Variants in SYNE1 observed in about 807,000 individuals in gnomAD.
SYNE1 encodes nesprin-1.
Under a neutral mutation model 1,111.0 loss-of-function variants are expected in SYNE1, and 616 were observed. That is an observed-to-expected ratio of 0.55 (90% CI 0.52 to 0.59). SYNE1 has a LOEUF of 0.59. SYNE1 is among the 20% of genes least tolerant of loss of function. The probability of loss-of-function intolerance (pLI) is 0.00; values close to 1 mark genes in which losing one functional copy is unlikely to be tolerated. For missense variants in SYNE1, 10,006 were observed against 10,417.0 expected (o/e 0.96, Z 1.72); for synonymous variants, 3,855 against 3,825.8 (o/e 1.01, Z -0.28).
intron 59 of SYNE1, among the ~76,000 whole-genome samples, chr6:152,370,008 A>AT (rs34750225): frequency 1.0e-4 from 15 of 147,832 alleles, no homozygotes; most frequent in African/African-American, 2.8e-4. Flanking sequence ...AAAAAAAAAA[A>AT]TTCCACAAAA....
chr6:152,337,495 G>C (rs1055804992), intron 75 of SYNE1, among the ~76,000 whole-genome samples: 4 of 152,128 alleles, frequency 2.6e-5, no homozygotes, highest in East Asian at 3.9e-4. Context: ...CTCTACGTTG[G>C]TCAGGCTGGT....
intron 126 of SYNE1, among the ~76,000 whole-genome samples, chr6:152,202,363 A>AC: frequency 8.2e-6 from 1 of 121,652 alleles, no homozygotes; most frequent in East Asian, 2.2e-4. Context: ...AAAAAAAAAA[A>AC]AAAAAAGCAA....
intron 11 of SYNE1, among the ~76,000 whole-genome samples, chr6:152,490,075 A>C (rs1240495820): frequency 6.6e-6 from 1 of 152,250 alleles, no homozygotes; most frequent in Non-Finnish European, 1.5e-5. Flanking sequence ...AAATATTCAG[A>C]AAATAAACAA....
chr6:152,482,008 C>T (rs892611438), intron 14 of SYNE1, among the ~76,000 whole-genome samples: 1 of 151,944 alleles, frequency 6.6e-6, no homozygotes, highest in African/African-American at 2.4e-5. Context: ...AAGAGATCAT[C>T]AGCAACTTTA....
chr6:152,497,885 C>G (rs192947701), intron 11 of SYNE1, among the ~76,000 whole-genome samples: 135 of 152,298 alleles, frequency 8.9e-4, no homozygotes, highest in Admixed American at 3.7e-3. Flanking sequence ...TTCCAAGCAG[C>G]TATACTGCCA....
chr6:152,407,693 A>T (rs188000863), intron 44 of SYNE1, among the ~76,000 whole-genome samples: 3 of 152,208 alleles, frequency 2.0e-5, no homozygotes, highest in East Asian at 3.9e-4. Flanking sequence ...TCCTATAATG[A>T]TATGCACTAA....
rs756716228 is a variant in SYNE1, at chr6:152,352,098, C to G, written c.11509G>C (p.Glu3837Gln). ...ALTQWIAEYQ[E>Q]ILHVPEEPKM... ...GGTTCTTCAGGAACATGTAGAATTT[C>G]CTGGTATTCTGCTATCCACTGTGTC... is the stretch of plus-strand genomic sequence containing the variant. The change falls in exon 70 of 146, where the codon GAA becomes CAA. Residue 3837 changes from glutamate (E) to glutamine (Q), a missense_variant. By Grantham distance (29) the Glu-to-Gln change is conservative. Around this residue, in one of 7 missense-constraint regions of SYNE1, gnomAD observed 4,955 missense variants for 5,017.2 expected, o/e 0.99. Coordinates refer to ENST00000367255, the MANE Select transcript of SYNE1 (RefSeq NM_182961.4). 2 of 1,614,186 alleles carry G rather than the reference C, an allele frequency of 1.2e-6. No individual in the cohort carries two copies. The highest frequency in any genetic ancestry group is 1.7e-6 in the Non-Finnish European group (2 of 1,180,028).
chr6:152,233,900 G>A lies in SYNE1; in HGVS notation c.20593C>T (p.Gln6865Ter). Reference sequence around the variant, plus strand: ...TCCACCTTTTTTAGTCGAAGGAGCTGATTTCCAGTACTCAGAACAGATGAT... The same window carrying A: ...TCCACCTTTTTTAGTCGAAGGAGCTAATTTCCAGTACTCAGAACAGATGAT... ...LKSSVLSTGN[Q>*]LLRLKKVDTA... is the part of the protein sequence containing the mutation. Residue 6865 changes from glutamine (Q) to a stop codon, truncating the protein, a stop_gained, in exon 112 of 146, where the codon CAG (glutamine) becomes TAG (stop). Transcript: ENST00000367255. LOFTEE classifies it high-confidence loss of function. 6.2e-7 allele frequency: 1 copy of A among 1,614,186 alleles called. No individual in the cohort carries two copies. Among genetic ancestry groups the A allele is most frequent in the Non-Finnish European group, 8.5e-7 (1 of 1,180,040 alleles).
intron 92 of SYNE1, 51 bp downstream of exon 92, chr6:152,301,818 C>G: frequency 5.2e-6 from 8 of 1,548,920 alleles, no homozygotes; most frequent in Non-Finnish European, 7.0e-6. Flanking sequence ...TGGAGCCACT[C>G]GCCAGGCTCC....
At chr6:152,309,768 A>G in intron 90 of SYNE1, 67 bp downstream of exon 90, 1 of 1,596,940 alleles carries the variant, frequency 6.3e-7, no homozygotes, top group Non-Finnish European at 8.5e-7. Flanking sequence ...GAGCCCACAC[A>G]ATGCTAAGAA....
At chr6:152,566,560 T>A (rs945143566) in intron 3 of SYNE1, among the ~76,000 whole-genome samples, 1 of 152,148 alleles carries the variant, frequency 6.6e-6, no homozygotes, top group African/African-American at 2.4e-5. Context: ...AAAGCATGGT[T>A]AAAAGAGCAT....
Position 152,352,098 on chromosome 6 carries a change from C to A in SYNE1, c.11509G>T (p.Glu3837Ter). The part of the protein sequence containing the change: ...ALTQWIAEYQ[E>*]ILHVPEEPKM... ...GGTTCTTCAGGAACATGTAGAATTTCCTGGTATTCTGCTATCCACTGTGTC... is the reference window on the plus strand; with the variant it reads ...GGTTCTTCAGGAACATGTAGAATTTACTGGTATTCTGCTATCCACTGTGTC... Residue 3837 changes from glutamate (E) to a stop codon, truncating the protein, a stop_gained, in exon 70 of 146, where the codon GAA (glutamate) becomes TAA (stop). Coordinates refer to ENST00000367255, the MANE Select transcript of SYNE1 (RefSeq NM_182961.4). LOFTEE classifies it high-confidence loss of function. The A allele has an allele frequency of 6.2e-7, 1 of 1,614,186 alleles. No homozygotes were observed. The highest frequency in any genetic ancestry group is 8.5e-7 in the Non-Finnish European group (1 of 1,180,028).
In SYNE1 at chr6:152,352,218, A is replaced by G. The variant is rs1452745807; in HGVS notation, c.11389T>C (p.Leu3797=). ...RKEIHDHMEQ[L]KELTSTVRKE... is the part of the protein sequence containing the mutation. ...CGGACAGTGCTGGTCAGTTCCTTCA[A>G]CTGCTCCATGTGATCATGAATCTCC... is the stretch of plus-strand genomic sequence containing the variant. Residue 3797 remains leucine, a synonymous_variant, in exon 70 of 146, where the codon TTG becomes CTG. Transcript: ENST00000367255. The G allele has an allele frequency of 6.2e-7, 1 of 1,614,024 alleles. No individual in the cohort carries two copies. Among genetic ancestry groups the G allele is most frequent in the Non-Finnish European group, 8.5e-7 (1 of 1,180,000 alleles).
chr6:152,145,213 AT>A (rs2152845420), intron 137 of SYNE1: 1 of 470,914 alleles, frequency 2.1e-6, no homozygotes, highest in African/African-American at 2.0e-5. Context: ...TCCTTCTCAT[AT>A]TTTCTGCAGT....
chr6:152,310,939 G>A (rs2095527945), intron 87 of SYNE1, 66 bp from the exon 88 acceptor site: 2 of 1,531,180 alleles, frequency 1.3e-6, no homozygotes, highest in South Asian at 1.2e-5. Flanking sequence ...ATTCAATATA[G>A]CTTGGCATAA....
At chr6:152,230,091 G>T (rs2082425572) in intron 115 of SYNE1, among the ~76,000 whole-genome samples, 2 of 151,672 alleles carry the variant, frequency 1.3e-5, no homozygotes, top group African/African-American at 4.8e-5. Flanking sequence ...GAAGTGCCAT[G>T]GTGTAAACAT....
intron 129 of SYNE1, among the ~76,000 whole-genome samples, chr6:152,177,327 C>G (rs561578563): frequency 1.3e-5 from 2 of 152,270 alleles, no homozygotes; most frequent in South Asian, 4.1e-4. Context: ...AATCCCCTCC[C>G]CCTGACTGCC....
intron 3 of SYNE1, among the ~76,000 whole-genome samples, chr6:152,581,918 T>G (rs988740364): frequency 3.3e-5 from 5 of 152,146 alleles, no homozygotes; most frequent in African/African-American, 1.2e-4. Context: ...TTTTCAGAGC[T>G]TGACTCTGAT....
At chr6:152,176,868 T>C (rs1175150734) in intron 129 of SYNE1, among the ~76,000 whole-genome samples, 2 of 152,124 alleles carry the variant, frequency 1.3e-5, no homozygotes, top group Non-Finnish European at 2.9e-5. Context: ...ACTTAAAAGA[T>C]TTTAATATTG....
Sources: gnomAD v4.1 joint callset for allele counts (sites outside exome capture counted in the v4.1 genomes callset) on GRCh38, gnomAD v4.1.1 for gene constraint, gnomAD v4.1.1 regional missense constraint, MANE v1.5 for transcripts, NCBI Gene and HGNC (gene_info 2026-07-23, HGNC 2026-07-21) for gene names.